ADAMTSL1: variants seen among roughly 807,000 people sequenced by gnomAD.
The protein encoded by ADAMTSL1 is ADAMTS-like protein 1.
Under a neutral mutation model 201.8 loss-of-function variants are expected in ADAMTSL1, and 126 were observed. The observed-to-expected ratio is 0.62, with a 90% CI of 0.54 to 0.72. The LOEUF is 0.72. ADAMTSL1 is among the 30% of genes least tolerant of loss of function. The probability of loss-of-function intolerance (pLI) is 0.00; values close to 1 mark genes in which losing one functional copy is unlikely to be tolerated. For synonymous variants in ADAMTSL1, 1,121 were observed against 903.4 expected (o/e 1.24, Z -4.32); for missense variants, 2,679 against 2,277.8 (o/e 1.18, Z -3.59).
At chr9:18,549,880 A>C (rs1820694942) in intron 3 of ADAMTSL1, among the ~76,000 whole-genome samples, 1 of 151,934 alleles carries the variant, frequency 6.6e-6, no homozygotes, top group Admixed American at 6.6e-5. Context: ...TTCCTGTGAG[A>C]AATGAATATC....
At chr9:18,661,783 T>C in intron 8 of ADAMTSL1, 152 bp from the exon 9 acceptor site, 2 of 786,464 alleles carry the variant, frequency 2.5e-6, no homozygotes, top group East Asian at 2.8e-5. Context: ...TCTGCAAAAA[T>C]TAATGAGCCT....
intron 2 of ADAMTSL1, among the ~76,000 whole-genome samples, chr9:18,350,453 T>A (rs970816304): frequency 3.9e-5 from 6 of 152,002 alleles, no homozygotes; most frequent in Admixed American, 3.3e-4. Context: ...TACCCCAAGT[T>A]TGAGATAATT....
chr9:17,947,926 C>A (rs1487132619), intron 1 of ADAMTSL1, among the ~76,000 whole-genome samples: 3 of 152,124 alleles, frequency 2.0e-5, no homozygotes, highest in African/African-American at 4.8e-5. Flanking sequence ...TCTTCAGGCA[C>A]CATCTTCCAA....
chr9:18,158,378 A>G (rs1379563591), intron 1 of ADAMTSL1, among the ~76,000 whole-genome samples: 1 of 151,946 alleles, frequency 6.6e-6, no homozygotes, highest in African/African-American at 2.4e-5. Context: ...TTACTGTTCA[A>G]TTATTTCCCT....
intron 2 of ADAMTSL1, among the ~76,000 whole-genome samples, chr9:18,303,767 T>C (rs1563872355): frequency 6.6e-6 from 1 of 152,202 alleles, no homozygotes; most frequent in Non-Finnish European, 1.5e-5. Context: ...GATGGTTTTA[T>C]GGCCATTAAT....
intron 4 of ADAMTSL1, among the ~76,000 whole-genome samples, chr9:18,616,419 G>A (rs149495806): frequency 6.6e-6 from 1 of 152,230 alleles, no homozygotes; most frequent in Admixed American, 6.5e-5. Context: ...TATTTGCTCA[G>A]ATGTTATTGG....
At chr9:18,893,622 C>T (rs188858355) in intron 26 of ADAMTSL1, among the ~76,000 whole-genome samples, 46 of 152,304 alleles carry the variant, frequency 3.0e-4, no homozygotes, top group South Asian at 8.3e-4. Context: ...CCAAGGGCTA[C>T]GCTTGAAAGA....
chr9:18,401,997 G>T (rs1458881399), intron 2 of ADAMTSL1, among the ~76,000 whole-genome samples: 1 of 152,126 alleles, frequency 6.6e-6, no homozygotes, highest in Non-Finnish European at 1.5e-5. Context: ...TCTATGGGAA[G>T]GAAAGCAGAT....
Position 18,770,663 on chromosome 9 carries a change from C to T in ADAMTSL1, c.2279C>T (p.Ala760Val). 6.2e-7 allele frequency: 1 copy of T among 1,613,630 alleles called. No homozygotes were observed. The highest frequency in any genetic ancestry group is 8.5e-7 in the Non-Finnish European group (1 of 1,179,794). ...KREVLCKQRM[A>V]DGSFLELPET... ...GAGGTTCTTTGCAAGCAGCGCATGG[C>T]TGATGGCAGCTTCCTGGAGCTTCCT... Residue 760 changes from alanine (A) to valine (V), a missense_variant, in exon 17 of 29, where the codon GCT (alanine) becomes GTT (valine). By Grantham distance (64) the Ala-to-Val change is moderately conservative (BLOSUM62 0). Coordinates refer to ENST00000380548, the MANE Select transcript of ADAMTSL1 (RefSeq NM_001040272.6).
At chr9:18,680,852 C>A (rs75274202) in intron 11 of ADAMTSL1, 219 of 314,764 alleles carry the variant, frequency 7.0e-4, no homozygotes, top group African/African-American at 4.5e-3. Context: ...GATGATAGAG[C>A]TCAGTAGACC....
intron 2 of ADAMTSL1, among the ~76,000 whole-genome samples, chr9:18,284,411 A>G (rs151008002): frequency 2.3e-3 from 344 of 152,158 alleles, no homozygotes; most frequent in Non-Finnish European, 4.0e-3. Context: ...AGAACTTTCC[A>G]TCTTTATTTA....
chr9:18,573,975 A>G (rs1179604003), intron 3 of ADAMTSL1, 55 bp from the exon 4 acceptor site: 2 of 1,453,212 alleles, frequency 1.4e-6, no homozygotes, highest in African/African-American at 1.4e-5. Flanking sequence ...CTCTGGTTTC[A>G]TGTTTGGGGG....
intron 1 of ADAMTSL1, among the ~76,000 whole-genome samples, chr9:18,038,951 A>G (rs961416865): frequency 1.3e-5 from 2 of 152,234 alleles, no homozygotes; most frequent in African/African-American, 4.8e-5. Context: ...TAGTTAAAGG[A>G]TGAATGGGTT....
intron 2 of ADAMTSL1, among the ~76,000 whole-genome samples, chr9:18,204,909 T>C (rs571773127): frequency 1.4e-4 from 21 of 152,330 alleles, no homozygotes; most frequent in Admixed American, 1.2e-3. Context: ...CACTGTATTA[T>C]GGCATTCGTA....
chr9:18,631,495 AAAAAT>A (rs1332545022), intron 5 of ADAMTSL1, among the ~76,000 whole-genome samples: 75 of 152,344 alleles, frequency 4.9e-4, no homozygotes, highest in African/African-American at 1.7e-3. Flanking sequence ...TCTCATTTTT[AAAAAT>A]AAAATAAAAT....
intron 2 of ADAMTSL1, among the ~76,000 whole-genome samples, chr9:18,230,324 G>A (rs1830602665): frequency 6.6e-6 from 1 of 152,128 alleles, no homozygotes. Flanking sequence ...CCTACATGGG[G>A]AAGCCTGGAA....
At chr9:18,178,870 C>G (rs1447292869) in intron 2 of ADAMTSL1, among the ~76,000 whole-genome samples, 1 of 151,966 alleles carries the variant, frequency 6.6e-6, no homozygotes, top group Admixed American at 6.6e-5. Flanking sequence ...ACCAAAAACC[C>G]ATTTGTACAT....
At chr9:18,235,917 T>C (rs1830830832) in intron 2 of ADAMTSL1, among the ~76,000 whole-genome samples, 1 of 152,222 alleles carries the variant, frequency 6.6e-6, no homozygotes, top group African/African-American at 2.4e-5. Context: ...CCATTGATTG[T>C]TCATTACCAC....
chr9:17,998,690 G>T (rs1260822201), intron 1 of ADAMTSL1, among the ~76,000 whole-genome samples: 1 of 152,022 alleles, frequency 6.6e-6, no homozygotes. Context: ...TAGAAAGTCA[G>T]ACCATGGCAT....
Sources: allele counts gnomAD v4.1 joint callset (sites outside exome capture counted in the v4.1 genomes callset), GRCh38; gene constraint gnomAD v4.1.1; transcripts MANE v1.5; gene names NCBI Gene and HGNC (gene_info 2026-07-23, HGNC 2026-07-21).